The following MECOM variants were observed in gnomAD, a reference collection of about 807,000 sequenced individuals.
MECOM encodes the protein histone-lysine N-methyltransferase MECOM.
A neutral mutation model predicts 116.3 loss-of-function variants in MECOM; 13 were observed. The ratio of observed to expected loss-of-function variants is 0.11; its 90% CI spans 0.07 to 0.18. MECOM has a LOEUF of 0.18. Among genes scored for constraint, MECOM ranks in the 10% least tolerant of loss-of-function variants. MECOM has a pLI of 1.00. For synonymous variants in MECOM, 528 were observed against 535.2 expected, an observed-to-expected ratio of 0.99 and a Z score of 0.19; for missense variants, 1,299 against 1,509.0, an observed-to-expected ratio of 0.86 and a Z score of 2.31.
intron 1 of MECOM, among the ~76,000 whole-genome samples, chr3:169,585,863 C>G (rs1253882969): frequency 1.3e-5 from 2 of 152,092 alleles, no homozygotes; most frequent in Admixed American, 1.3e-4. Context: ...TTAGGAATAA[C>G]AAGTTTTTTA....
chr3:169,531,373 C>A (rs1399655985), intron 1 of MECOM, among the ~76,000 whole-genome samples: 1 of 152,136 alleles, frequency 6.6e-6, no homozygotes, highest in Non-Finnish European at 1.5e-5. Flanking sequence ...TATCCTGAAT[C>A]CTTGTCTCCT....
At chr3:169,299,606 G>C (rs1426845071) in intron 2 of MECOM, among the ~76,000 whole-genome samples, 1 of 152,102 alleles carries the variant, frequency 6.6e-6, no homozygotes, top group Non-Finnish European at 1.5e-5. Context: ...CCTGAACCCG[G>C]AATCTGATCT....
At chr3:169,529,576 T>C (rs929597326) in intron 1 of MECOM, among the ~76,000 whole-genome samples, 4 of 152,180 alleles carry the variant, frequency 2.6e-5, no homozygotes, top group African/African-American at 9.7e-5. Flanking sequence ...ATTTCAAAAT[T>C]GGTTAGTAAG....
chr3:169,251,611 C>A (rs1166607783), intron 2 of MECOM, among the ~76,000 whole-genome samples: 2 of 152,078 alleles, frequency 1.3e-5, no homozygotes, highest in Non-Finnish European at 2.9e-5. Flanking sequence ...CCTGTGTAAC[C>A]CAGTGGGAGA....
chr3:169,285,019 G>A (rs980976780), intron 2 of MECOM, among the ~76,000 whole-genome samples: 1 of 152,076 alleles, frequency 6.6e-6, no homozygotes, highest in Non-Finnish European at 1.5e-5. Flanking sequence ...AGTCCCCAGC[G>A]GTGACTCTTT....
Position 169,381,422 on chromosome 3 carries a change from C to A in MECOM, c.140G>T (p.Cys47Phe), listed in dbSNP as rs768309554. The A allele has an allele frequency of 6.2e-7, 1 of 1,613,740 alleles. No homozygotes were observed. Among genetic ancestry groups the A allele is most frequent in the African/African-American group, 1.3e-5 (1 of 74,942 alleles). ...TGCTTCACTGGATGTGGCAGGAGAG[C>A]ATGGCTCTTGAATATTGAGGGAGGG... Reference protein sequence around the residue: ...STPSLNIQEPCSPATSSEAFT... With the variant: ...STPSLNIQEPFSPATSSEAFT... The change falls in exon 2 of 17, where the codon TGC becomes TTC. Residue 47 changes from cysteine to phenylalanine, a missense_variant. Transcript: ENST00000651503.
chr3:169,572,123 G>A (rs1245048859), intron 1 of MECOM, among the ~76,000 whole-genome samples: 1 of 152,002 alleles, frequency 6.6e-6, no homozygotes, highest in Admixed American at 6.6e-5. Context: ...GAATCTATAA[G>A]GAACCCAAAC....
chr3:169,437,293 C>T (rs961648655), intron 1 of MECOM, among the ~76,000 whole-genome samples: 11 of 152,148 alleles, frequency 7.2e-5, no homozygotes, highest in Admixed American at 6.5e-5. Context: ...CTTTGAAATG[C>T]AAGGAAAATG....
chr3:169,206,674 A>G (rs1351036475), intron 2 of MECOM, among the ~76,000 whole-genome samples: 1 of 151,066 alleles, frequency 6.6e-6, no homozygotes, highest in Admixed American at 6.6e-5. Context: ...AATCGCTTGA[A>G]CTCAGGAGGC....
intron 1 of MECOM, among the ~76,000 whole-genome samples, chr3:169,532,186 G>T (rs934452309): frequency 3.3e-5 from 5 of 152,168 alleles, no homozygotes; most frequent in Non-Finnish European, 7.3e-5. Flanking sequence ...TTGGTGAGCT[G>T]CCCCATGCTC....
intron 2 of MECOM, among the ~76,000 whole-genome samples, chr3:169,245,876 A>T (rs1170397052): frequency 6.6e-6 from 1 of 152,198 alleles, no homozygotes; most frequent in Non-Finnish European, 1.5e-5. Flanking sequence ...TGTTCAACTT[A>T]AGACATCAAT....
chr3:169,346,059 G>C (rs1159890019), intron 2 of MECOM, among the ~76,000 whole-genome samples: 1 of 151,998 alleles, frequency 6.6e-6, no homozygotes, highest in African/African-American at 2.4e-5. Flanking sequence ...ACTTTTAAAA[G>C]AACAAGGCAA....
intron 1 of MECOM, among the ~76,000 whole-genome samples, chr3:169,662,273 C>T (rs930720845): frequency 6.6e-6 from 1 of 152,190 alleles, no homozygotes; most frequent in African/African-American, 2.4e-5. Context: ...TGACCCTGGA[C>T]CCAGGCTGCA....
chr3:169,246,060 T>C (rs1028905003), intron 2 of MECOM, among the ~76,000 whole-genome samples: 2 of 152,158 alleles, frequency 1.3e-5, no homozygotes, highest in African/African-American at 4.8e-5. Flanking sequence ...TAAGCAACCA[T>C]GCAATTAAAA....
At position 169,112,972 on chromosome 3, in the gene MECOM, G is replaced by A. The variant is rs916990908; in HGVS notation, c.2490-98C>T. The stretch of plus-strand genomic sequence containing the variant: ...AAAGGAACTAACAATAAAGTCAATG[G>A]TAGGTTTCTGGGAAGCGCACTCATA... On this transcript the variant is annotated intron_variant, in intron 8 of 16. Transcript: ENST00000651503. 7.7e-5 allele frequency: 67 copies of A among 872,446 alleles called. No individual in the cohort carries two copies. The Admixed American group carries it at 1.5e-3, about 20-fold the overall frequency. 54.0% of individuals were successfully genotyped at this position (872,446 alleles called of 1,614,324 possible).
At chr3:169,401,556 A>C (rs1240334215) in intron 1 of MECOM, among the ~76,000 whole-genome samples, 1 of 152,184 alleles carries the variant, frequency 6.6e-6, no homozygotes, top group Non-Finnish European at 1.5e-5. Context: ...ACGATCAACG[A>C]ACTATGTCCA....
intron 2 of MECOM, among the ~76,000 whole-genome samples, chr3:169,154,923 C>G (rs1282640957): frequency 6.6e-6 from 1 of 152,098 alleles, no homozygotes; most frequent in African/African-American, 2.4e-5. Context: ...CCTTTCCATC[C>G]TTCAACCCAA....
Position 169,433,691 on chromosome 3 carries a change from G to GAA in MECOM, c.38-52169_38-52168dup, listed in dbSNP as rs1560269001. On this transcript the variant is annotated intron_variant, in intron 1 of 16. Transcript: ENST00000651503. Reference sequence around the variant, plus strand: ...AAAGAAAGAAAGAAAGAAAGAAAGAGAAAGAAAGAAAAGAAAGAAAGAAAA... The same window carrying GAA: ...AAAGAAAGAAAGAAAGAAAGAAAGAGAAAAAGAAAGAAAAGAAAGAAAGAAAA... 3.6e-3 allele frequency among the ~76,000 whole-genome samples: 445 copies of GAA among 122,018 alleles called. 4 individuals carry two copies. Among genetic ancestry groups the GAA allele is most frequent in the African/African-American group, 0.013 (430 of 33,160 alleles). 80.0% of individuals were successfully genotyped at this position (122,018 alleles called of 152,430 possible). A position where few individuals can be genotyped will look rare whatever the true frequency, so the allele number is the denominator to read the frequency against.
rs141924869 is a variant in MECOM, at chr3:169,581,164, A to C, written c.37+82172T>G. On this transcript the variant is annotated intron_variant, in intron 1 of 16. Transcript: ENST00000651503. ...TTCAGAAAAGCAGTAATGATTCAAA[A>C]CAAAATGAAACAAGAAAAGGAGCAC... Among the ~76,000 whole-genome samples the C allele has an allele frequency of 4.0e-3, 604 of 152,322 alleles. 14 individuals are homozygous for C. Among genetic ancestry groups the C allele is most frequent in the Admixed American group, 0.033 (501 of 15,300 alleles).
Sources: gnomAD v4.1 joint callset for allele counts (sites outside exome capture counted in the v4.1 genomes callset) on GRCh38, gnomAD v4.1.1 for gene constraint, MANE v1.5 for transcripts, NCBI Gene and HGNC (gene_info 2026-07-23, HGNC 2026-07-21) for gene names.